The following LDB2 variants were observed in gnomAD, a reference collection of about 807,000 sequenced individuals.
LDB2 encodes the protein LIM domain binding 2, also known as LIM domain-binding protein 2.
In LDB2, 12 loss-of-function variants were observed where a neutral mutation model predicts 44.3. The observed-to-expected ratio is 0.27, with a 90% CI of 0.17 to 0.44. The LOEUF is 0.44. Among genes scored for constraint, LDB2 ranks in the 20% least tolerant of loss-of-function variants. The probability of loss-of-function intolerance (pLI) is 1.00; values close to 1 mark genes in which losing one functional copy is unlikely to be tolerated. For synonymous variants in LDB2, 164 were observed against 174.8 expected (o/e 0.94, Z 0.49); for missense variants, 344 against 473.5 (o/e 0.73, Z 2.54).
intron 1 of LDB2, among the ~76,000 whole-genome samples, chr4:16,847,640 C>T (rs1787314205): frequency 2.1e-5 from 3 of 140,016 alleles, no homozygotes; most frequent in African/African-American, 5.2e-5. Context: ...TTTTTTGAGA[C>T]GGAGTCTCGC....
intron 5 of LDB2, among the ~76,000 whole-genome samples, chr4:16,578,209 C>T (rs1387557736): frequency 6.6e-6 from 1 of 152,044 alleles, no homozygotes; most frequent in East Asian, 1.9e-4. Context: ...CAAAAGAGGT[C>T]ACATCAAGTT....
At chr4:16,762,951 T>A (rs1023431118) in intron 1 of LDB2, among the ~76,000 whole-genome samples, 1 of 152,072 alleles carries the variant, frequency 6.6e-6, no homozygotes, top group African/African-American at 2.4e-5. Context: ...GAAAGAGACA[T>A]AATGATCCAA....
At chr4:16,602,214 G>A (rs933029817) in intron 2 of LDB2, among the ~76,000 whole-genome samples, 2 of 152,160 alleles carry the variant, frequency 1.3e-5, no homozygotes, top group African/African-American at 4.8e-5. Context: ...TAAGGAGACA[G>A]AGAATAAACT....
At chr4:16,893,455 A>T (rs1723995550) in intron 1 of LDB2, among the ~76,000 whole-genome samples, 1 of 152,068 alleles carries the variant, frequency 6.6e-6, no homozygotes, top group African/African-American at 2.4e-5. Flanking sequence ...ACAACGTGAA[A>T]CCCTGTGACT....
At chr4:16,585,130 C>T (rs1008120987) in intron 5 of LDB2, among the ~76,000 whole-genome samples, 1 of 152,184 alleles carries the variant, frequency 6.6e-6, no homozygotes, top group Non-Finnish European at 1.5e-5. Context: ...AGGCCACCCA[C>T]CCGCACTATG....
chr4:16,775,926 A>AGGCTAATTT (rs1771787709), intron 1 of LDB2, among the ~76,000 whole-genome samples: 1 of 152,214 alleles, frequency 6.6e-6, no homozygotes, highest in Admixed American at 6.5e-5. Flanking sequence ...CACATTGTTC[A>AGGCTAATTT]GGCTAATTTG....
chr4:16,699,197 CCTT>C (rs1468658300), intron 2 of LDB2, among the ~76,000 whole-genome samples: 2 of 152,230 alleles, frequency 1.3e-5, no homozygotes, highest in African/African-American at 4.8e-5. Flanking sequence ...TAAGATAACT[CCTT>C]CTAATACAGA....
chr4:16,729,231 C>T (rs944036031), intron 2 of LDB2, among the ~76,000 whole-genome samples: 1 of 152,200 alleles, frequency 6.6e-6, no homozygotes, highest in African/African-American at 2.4e-5. Context: ...ACAAACCCTC[C>T]AGCCCTTTCT....
intron 1 of LDB2, among the ~76,000 whole-genome samples, chr4:16,784,739 C>T (rs1345175682): frequency 6.6e-6 from 1 of 152,178 alleles, no homozygotes; most frequent in Non-Finnish European, 1.5e-5. Context: ...TCCTAGCCTG[C>T]CATGGTAGCC....
intron 5 of LDB2, among the ~76,000 whole-genome samples, chr4:16,581,125 C>A (rs1156718348): frequency 2.0e-5 from 3 of 152,158 alleles, no homozygotes; most frequent in Non-Finnish European, 2.9e-5. Flanking sequence ...GCTCTGCATA[C>A]AGGGGAATTC....
chr4:16,562,659 C>G lies in LDB2; in HGVS notation c.615+23263G>C, dbSNP rs368011241. Among the ~76,000 whole-genome samples, 885 of 152,248 alleles carry G rather than the reference C, an allele frequency of 5.8e-3. 10 individuals are homozygous for G. The highest frequency in any genetic ancestry group is 0.017 in the African/African-American group (687 of 41,554). ...CAACCATTGTGGAAGTCAGTGTGGC[C>G]ATTCCTCAGGGATCTAGAACTAGAA... On this transcript the variant is annotated intron_variant, in intron 5 of 7. Coordinates refer to ENST00000304523, the MANE Select transcript of LDB2 (RefSeq NM_001290.5).
intron 5 of LDB2, among the ~76,000 whole-genome samples, chr4:16,562,384 C>A (rs1742714390): frequency 6.6e-6 from 1 of 151,926 alleles, no homozygotes. Context: ...AAAAAAACAA[C>A]CCCATCAAAA....
intron 1 of LDB2, among the ~76,000 whole-genome samples, chr4:16,849,296 C>A (rs1049508514): frequency 1.3e-5 from 2 of 152,208 alleles, no homozygotes; most frequent in Admixed American, 1.3e-4. Flanking sequence ...AAAGTAGCCC[C>A]AAACGTACTG....
intron 2 of LDB2, among the ~76,000 whole-genome samples, chr4:16,647,062 A>ATTCATC (rs1736995426): frequency 6.6e-6 from 1 of 152,230 alleles, no homozygotes; most frequent in Non-Finnish European, 1.5e-5. Context: ...CAACCCATGT[A>ATTCATC]TTCATCAATT....
rs115654063 is a variant in LDB2, at chr4:16,525,239, G to A, written c.616-13135C>T. ...GAGGATTTCGGGGCTGCTGATCAGT[G>A]TGGGGATGTGGTCTTCTCTCTCTTG... On this transcript the variant is annotated intron_variant, in intron 5 of 7. Transcript: ENST00000304523. Among the ~76,000 whole-genome samples the A allele has an allele frequency of 5.9e-3, 897 of 152,298 alleles. 12 individuals carry two copies. Among genetic ancestry groups the A allele is most frequent in the African/African-American group, 0.021 (853 of 41,570 alleles).
At chr4:16,626,073 G>C (rs150616748) in intron 2 of LDB2, among the ~76,000 whole-genome samples, 1 of 152,174 alleles carries the variant, frequency 6.6e-6, no homozygotes, top group East Asian at 1.9e-4. Flanking sequence ...CCATGGCTTT[G>C]TGCATTATCT....
chr4:16,789,825 G>A (rs1264763827), intron 1 of LDB2, among the ~76,000 whole-genome samples: 4 of 152,166 alleles, frequency 2.6e-5, no homozygotes, highest in African/African-American at 4.8e-5. Flanking sequence ...CCAGCTACTC[G>A]AGAGGCTGAG....
At chr4:16,739,740 ATACATAT>A (rs1762849146) in intron 2 of LDB2, among the ~76,000 whole-genome samples, 1 of 107,266 alleles carries the variant, frequency 9.3e-6, no homozygotes, top group Non-Finnish European at 1.8e-5. Context: ...GTGTATATAC[ATACATAT>A]ACATATATAT....
chr4:16,771,622 G>A (rs1770710050), intron 1 of LDB2, among the ~76,000 whole-genome samples: 1 of 152,082 alleles, frequency 6.6e-6, no homozygotes, highest in Admixed American at 6.6e-5. Flanking sequence ...AGTCACTTAG[G>A]CCAGCATTTG....
Sources: gnomAD v4.1 joint callset for allele counts (sites outside exome capture counted in the v4.1 genomes callset) on GRCh38, gnomAD v4.1.1 for gene constraint, MANE v1.5 for transcripts, NCBI Gene and HGNC (gene_info 2026-07-23, HGNC 2026-07-21) for gene names.